CSMD3: variants seen among roughly 807,000 people sequenced by gnomAD.
The protein encoded by CSMD3 is CUB and sushi domain-containing protein 3.
In CSMD3, 177 loss-of-function variants were observed where a neutral mutation model predicts 435.2. The observed-to-expected ratio is 0.41, with a 90% CI of 0.36 to 0.46. CSMD3 has a LOEUF of 0.46. Among genes scored for constraint, CSMD3 ranks in the 20% least tolerant of loss-of-function variants. The probability of loss-of-function intolerance (pLI) is 0.34; values close to 1 mark genes in which losing one functional copy is unlikely to be tolerated. For missense variants in CSMD3, 4,265 were observed against 4,504.6 expected (o/e 0.95, Z 1.52); for synonymous variants, 1,656 against 1,520.5 (o/e 1.09, Z -2.07).
At chr8:113,111,291 T>G (rs1336827841) in intron 4 of CSMD3, among the ~76,000 whole-genome samples, 1 of 152,340 alleles carries the variant, frequency 6.6e-6, no homozygotes, top group Admixed American at 6.5e-5. Context: ...GTTTACTATG[T>G]GGGATAATTA....
chr8:112,693,796 T>C (rs1213769538), intron 13 of CSMD3, among the ~76,000 whole-genome samples: 1 of 151,850 alleles, frequency 6.6e-6, no homozygotes, highest in Non-Finnish European at 1.5e-5. Context: ...AATTAGGAAT[T>C]TAGCCCTCAT....
chr8:112,992,243 G>A (rs574463352), intron 6 of CSMD3, among the ~76,000 whole-genome samples: 8 of 145,500 alleles, frequency 5.5e-5, no homozygotes, highest in Non-Finnish European at 7.6e-5. Context: ...CCTCTCCTTC[G>A]TCCCTCCCTC....
intron 5 of CSMD3, among the ~76,000 whole-genome samples, chr8:113,085,641 C>G (rs956634272): frequency 2.0e-5 from 3 of 151,780 alleles, no homozygotes; most frequent in Non-Finnish European, 4.4e-5. Flanking sequence ...CATGTATGAA[C>G]CTAAAGAACA....
intron 7 of CSMD3, among the ~76,000 whole-genome samples, chr8:112,958,845 A>G (rs2084128973): frequency 6.6e-6 from 1 of 152,160 alleles, no homozygotes; most frequent in South Asian, 2.1e-4. Flanking sequence ...GGGATAAAAT[A>G]GATTGGGAAG....
chr8:112,801,697 T>G (rs1167064864), intron 12 of CSMD3, among the ~76,000 whole-genome samples: 2 of 152,030 alleles, frequency 1.3e-5, no homozygotes, highest in Non-Finnish European at 2.9e-5. Flanking sequence ...AGGTAGCAGT[T>G]TTTTGAGCTA....
rs1461739718 is a variant in CSMD3 at position 112,965,526 on chromosome 8, T to C, written c.1342+10311A>G. ...GACCTACTCAAAGGAAATAAGAACA[T>C]TGACATCAGAAATTCTTAAAATCTT... On this transcript the variant is annotated intron_variant, in intron 7 of 70. Transcript: ENST00000297405. 4.6e-5 allele frequency among the ~76,000 whole-genome samples: 7 copies of C among 151,868 alleles called. No homozygotes were observed. In the South Asian group the frequency reaches 6.2e-4, roughly 14 times the overall value.
At chr8:113,366,651 T>C (rs1237678554) in intron 1 of CSMD3, among the ~76,000 whole-genome samples, 1 of 152,078 alleles carries the variant, frequency 6.6e-6, no homozygotes, top group Non-Finnish European at 1.5e-5. Flanking sequence ...TCCAAAATGA[T>C]GTCTTGAGAA....
chr8:113,047,498 C>G (rs2087886883), intron 5 of CSMD3, among the ~76,000 whole-genome samples: 1 of 152,158 alleles, frequency 6.6e-6, no homozygotes, highest in African/African-American at 2.4e-5. Flanking sequence ...CAAAAATTAA[C>G]TGAACAATCA....
intron 13 of CSMD3, among the ~76,000 whole-genome samples, chr8:112,766,138 A>C (rs2132170981): frequency 6.6e-6 from 1 of 151,872 alleles, no homozygotes; most frequent in African/African-American, 2.4e-5. Context: ...GAGGAGTTGG[A>C]TACAGATTTA....
chr8:112,821,675 T>C (rs911036716), intron 12 of CSMD3, among the ~76,000 whole-genome samples: 4 of 152,224 alleles, frequency 2.6e-5, no homozygotes, highest in African/African-American at 9.7e-5. Context: ...TTGTCAATTT[T>C]GGCTTTTGTT....
At chr8:112,434,515 C>T (rs1034770483) in intron 32 of CSMD3, among the ~76,000 whole-genome samples, 3 of 152,086 alleles carry the variant, frequency 2.0e-5, no homozygotes, top group African/African-American at 7.2e-5. Flanking sequence ...ATAATCTATG[C>T]CACATAATAC....
At chr8:113,392,572 G>T (rs1385365044) in intron 1 of CSMD3, among the ~76,000 whole-genome samples, 1 of 152,072 alleles carries the variant, frequency 6.6e-6, no homozygotes, top group African/African-American at 2.4e-5. Context: ...TCAAAGCTAG[G>T]AGAGAAGATT....
chr8:112,625,794 C>T (rs1834431538), intron 22 of CSMD3, among the ~76,000 whole-genome samples: 2 of 152,056 alleles, frequency 1.3e-5, no homozygotes, highest in South Asian at 4.1e-4. Context: ...AAAACACCTG[C>T]TTGAAGTGCA....
intron 4 of CSMD3, among the ~76,000 whole-genome samples, chr8:113,169,103 G>T (rs575602783): frequency 3.7e-4 from 56 of 152,108 alleles, no homozygotes; most frequent in African/African-American, 1.3e-3. Context: ...ATTACATTTT[G>T]ATCCAGAAAA....
chr8:113,273,903 AATT>A (rs1300447937), intron 3 of CSMD3, among the ~76,000 whole-genome samples: 1 of 152,086 alleles, frequency 6.6e-6, no homozygotes, highest in Non-Finnish European at 1.5e-5. Flanking sequence ...ATTTTAACTG[AATT>A]ATTTTCCTGT....
At chr8:112,858,137 G>A (rs768241933) in intron 11 of CSMD3, among the ~76,000 whole-genome samples, 1 of 151,588 alleles carries the variant, frequency 6.6e-6, no homozygotes, top group East Asian at 1.9e-4. Context: ...AACTTGATAA[G>A]TGATCACAAA....
intron 5 of CSMD3, among the ~76,000 whole-genome samples, chr8:113,080,683 T>C (rs1389745048): frequency 6.6e-6 from 1 of 152,174 alleles, no homozygotes; most frequent in Non-Finnish European, 1.5e-5. Context: ...AAAAATTACG[T>C]TTGTTCATGA....
intron 1 of CSMD3, among the ~76,000 whole-genome samples, chr8:113,409,895 A>G (rs2094550365): frequency 6.6e-6 from 1 of 152,168 alleles, no homozygotes; most frequent in Non-Finnish European, 1.5e-5. Flanking sequence ...GAAAAAAAAA[A>G]AAAGTGACTC....
intron 22 of CSMD3, among the ~76,000 whole-genome samples, chr8:112,629,341 AC>A (rs2074447685): frequency 6.6e-6 from 1 of 152,012 alleles, no homozygotes; most frequent in Non-Finnish European, 1.5e-5. Flanking sequence ...GGCTGAGACA[AC>A]CGTCATACAC....
Sources: allele counts gnomAD v4.1 joint callset (sites outside exome capture counted in the v4.1 genomes callset), GRCh38; gene constraint gnomAD v4.1.1; transcripts MANE v1.5; gene names NCBI Gene and HGNC (gene_info 2026-07-23, HGNC 2026-07-21).